The following SOBP variants were observed in gnomAD, a reference collection of about 807,000 sequenced individuals.
SOBP encodes sine oculis binding protein homolog, also known as sine oculis-binding protein homolog.
SOBP carries 4 observed loss-of-function variants against 53.6 expected under a neutral mutation model. The ratio of observed to expected loss-of-function variants is 0.07; its 90% CI spans 0.04 to 0.17. The LOEUF (loss-of-function observed/expected upper bound fraction) is 0.17. Among genes scored for constraint, SOBP ranks in the 10% least tolerant of loss-of-function variants. SOBP has a pLI of 1.00. For synonymous variants in SOBP, 584 were observed against 522.6 expected (o/e 1.12, Z -1.60); for missense variants, 1,088 against 1,204.7 (o/e 0.90, Z 1.43).
At chr6:107,632,793 T>C (rs765707610) in intron 5 of SOBP, among the ~76,000 whole-genome samples, 20 of 152,200 alleles carry the variant, frequency 1.3e-4, no homozygotes, top group Non-Finnish European at 2.1e-4. Context: ...TTTTGGAAAA[T>C]GTTCTCTGGT....
chr6:107,648,306 ATCAGAAAAGG>A (rs1771644993), intron 6 of SOBP, among the ~76,000 whole-genome samples: 1 of 152,304 alleles, frequency 6.6e-6, no homozygotes, highest in East Asian at 1.9e-4. Flanking sequence ...GGTGGTAGAA[ATCAGAAAAGG>A]ACAAGGACCC....
rs1782550674 is a variant in SOBP at position 107,490,536 on chromosome 6, T to TCCACCG, written c.-78_-73dup. 1 of 1,014,364 alleles carries TCCACCG rather than the reference T, an allele frequency of 9.9e-7. No individual in the cohort carries two copies. Among genetic ancestry groups the TCCACCG allele is most frequent in the Non-Finnish European group, 1.5e-6 (1 of 674,058 alleles). The allele number at this position is 1,014,364 out of a possible 1,614,324, so 62.8% of individuals were successfully genotyped here. On this transcript the variant is annotated 5_prime_UTR_variant, in exon 1 of 7. Coordinates refer to ENST00000317357, the MANE Select transcript of SOBP (RefSeq NM_018013.4). ...CAGCCTCGCCACCATCAGCACCACC[T>TCCACCG]CCACCGCCGCCGCCGCCGCCACCAC...
At chr6:107,618,661 C>T (rs897624150) in intron 5 of SOBP, among the ~76,000 whole-genome samples, 1 of 152,108 alleles carries the variant, frequency 6.6e-6, no homozygotes, top group South Asian at 2.1e-4. Context: ...TAGCGATATG[C>T]CATTTGTTGT....
chr6:107,578,739 C>G (rs1785314664), intron 4 of SOBP, among the ~76,000 whole-genome samples: 1 of 152,162 alleles, frequency 6.6e-6, no homozygotes, highest in Admixed American at 6.5e-5. Flanking sequence ...GGATAATAAC[C>G]AGAACAGCAT....
chr6:107,553,054 T>C (rs1013743251), intron 4 of SOBP, among the ~76,000 whole-genome samples: 3 of 152,026 alleles, frequency 2.0e-5, no homozygotes, highest in African/African-American at 7.2e-5. Context: ...TGAGAACTTA[T>C]TCATGTAACC....
chr6:107,573,726 C>T (rs1203597557), intron 4 of SOBP, among the ~76,000 whole-genome samples: 1 of 152,096 alleles, frequency 6.6e-6, no homozygotes, highest in Admixed American at 6.5e-5. Flanking sequence ...TTCTTGCCTG[C>T]TAACAAGAGT....
chr6:107,518,584 C>T (rs1002129160), intron 3 of SOBP, among the ~76,000 whole-genome samples: 6 of 152,136 alleles, frequency 3.9e-5, no homozygotes, highest in African/African-American at 1.4e-4. Flanking sequence ...ATCTTCATAG[C>T]AGCATTTATT....
At chr6:107,530,538 C>T (rs962967528) in intron 3 of SOBP, among the ~76,000 whole-genome samples, 1 of 151,586 alleles carries the variant, frequency 6.6e-6, no homozygotes, top group Non-Finnish European at 1.5e-5. Context: ...AAATCTGTTA[C>T]TAATATAAAA....
At chr6:107,549,791 T>G (rs1784412926) in intron 4 of SOBP, among the ~76,000 whole-genome samples, 3 of 152,264 alleles carry the variant, frequency 2.0e-5, no homozygotes, top group Admixed American at 1.3e-4. Flanking sequence ...AGACCTCAAT[T>G]TCTTTCTCCC....
chr6:107,500,373 C>T (rs561398088), intron 1 of SOBP, among the ~76,000 whole-genome samples: 3 of 146,734 alleles, frequency 2.0e-5, no homozygotes, highest in Admixed American at 6.7e-5. Flanking sequence ...GAGTGAGACC[C>T]TGTCTAAAAA....
At chr6:107,511,221 G>A (rs1206415954) in intron 3 of SOBP, among the ~76,000 whole-genome samples, 4 of 152,170 alleles carry the variant, frequency 2.6e-5, no homozygotes, top group African/African-American at 9.7e-5. Flanking sequence ...TTGCCTTTTA[G>A]CATATTCCTA....
chr6:107,574,561 T>C (rs1785169180), intron 4 of SOBP, among the ~76,000 whole-genome samples: 1 of 152,162 alleles, frequency 6.6e-6, no homozygotes, highest in African/African-American at 2.4e-5. Context: ...GAGTGAGCCC[T>C]CTGGTGAGAA....
chr6:107,543,298 G>A (rs867316432), intron 4 of SOBP, among the ~76,000 whole-genome samples: 1 of 152,152 alleles, frequency 6.6e-6, no homozygotes, highest in South Asian at 2.1e-4. Context: ...GCTCCCCAGT[G>A]GTCATGGGAC....
At chr6:107,570,926 T>TA (rs2115037848) in intron 4 of SOBP, among the ~76,000 whole-genome samples, 1 of 152,376 alleles carries the variant, frequency 6.6e-6, no homozygotes, top group African/African-American at 2.4e-5. Flanking sequence ...TTTTTGTGCT[T>TA]ACGGTTTTCG....
chr6:107,517,215 G>A (rs1336061349), intron 3 of SOBP, among the ~76,000 whole-genome samples: 1 of 152,174 alleles, frequency 6.6e-6, no homozygotes, highest in African/African-American at 2.4e-5. Context: ...ATTGATACTT[G>A]ACTCATGATA....
At chr6:107,653,505 G>A (rs1771895665) in intron 6 of SOBP, among the ~76,000 whole-genome samples, 1 of 152,336 alleles carries the variant, frequency 6.6e-6, no homozygotes, top group South Asian at 2.1e-4. Context: ...TTGGACAAAG[G>A]CAAGCTGGCT....
At chr6:107,537,713 C>T (rs1441756135) in intron 4 of SOBP, among the ~76,000 whole-genome samples, 2 of 150,876 alleles carry the variant, frequency 1.3e-5, no homozygotes, top group Non-Finnish European at 2.9e-5. Context: ...CCCAGTTACT[C>T]AGGAGGCTGA....
At chr6:107,516,386 C>T (rs1783321779) in intron 3 of SOBP, among the ~76,000 whole-genome samples, 1 of 151,378 alleles carries the variant, frequency 6.6e-6, no homozygotes, top group South Asian at 2.1e-4. Flanking sequence ...TGTTGGAACC[C>T]AGGAGGCAGA....
At chr6:107,516,593 G>A (rs1217941779) in intron 3 of SOBP, among the ~76,000 whole-genome samples, 3 of 152,052 alleles carry the variant, frequency 2.0e-5, no homozygotes, top group Non-Finnish European at 2.9e-5. Flanking sequence ...AGATTTGTAA[G>A]ACAGAAATGC....
Sources: allele counts gnomAD v4.1 joint callset (sites outside exome capture counted in the v4.1 genomes callset), GRCh38; gene constraint gnomAD v4.1.1; transcripts MANE v1.5; gene names NCBI Gene and HGNC (gene_info 2026-07-23, HGNC 2026-07-21).